GRIP1: variants seen among roughly 807,000 people sequenced by gnomAD.
GRIP1 encodes the protein glutamate receptor-interacting protein 1.
A neutral mutation model predicts 129.9 loss-of-function variants in GRIP1; 45 were observed. That is an observed-to-expected ratio of 0.35 (90% CI 0.27 to 0.44). The LOEUF is 0.44. Ranked by LOEUF, GRIP1 falls within the 20% of genes least tolerant of loss-of-function variation. The probability of loss-of-function intolerance (pLI) is 1.00; values close to 1 mark genes in which losing one functional copy is unlikely to be tolerated. For missense variants in GRIP1, 1,196 were observed against 1,396.8 expected (o/e 0.86, Z 2.29); for synonymous variants, 530 against 520.8 (o/e 1.02, Z -0.24).
intron 2 of GRIP1, among the ~76,000 whole-genome samples, chr12:66,562,643 G>C (rs138208358): frequency 2.8e-4 from 42 of 152,216 alleles, no homozygotes; most frequent in African/African-American, 9.9e-4. Context: ...ATTTACAGTA[G>C]AAGGAGTTTT....
intron 1 of GRIP1, among the ~76,000 whole-genome samples, chr12:66,914,792 T>A (rs2041091769): frequency 6.6e-6 from 1 of 152,218 alleles, no homozygotes; most frequent in Admixed American, 6.5e-5. Context: ...AAAACAAATA[T>A]CAAGATACTG....
At chr12:66,441,774 A>C (rs1469572282) in intron 13 of GRIP1, among the ~76,000 whole-genome samples, 3 of 152,122 alleles carry the variant, frequency 2.0e-5, no homozygotes, top group Non-Finnish European at 4.4e-5. Context: ...TTGCCAACTC[A>C]TCTCTAAAAT....
intron 1 of GRIP1, among the ~76,000 whole-genome samples, chr12:66,872,898 G>A (rs1420476297): frequency 6.6e-6 from 1 of 152,080 alleles, no homozygotes; most frequent in Non-Finnish European, 1.5e-5. Context: ...GGGACACAGA[G>A]GACATATGTT....
intron 1 of GRIP1, among the ~76,000 whole-genome samples, chr12:66,886,754 T>C (rs574042616): frequency 6.6e-6 from 1 of 152,318 alleles, no homozygotes; most frequent in African/African-American, 2.4e-5. Flanking sequence ...TTAATATCTA[T>C]ATATCATCAT....
chr12:66,580,597 G>A (rs1168350230), intron 2 of GRIP1, among the ~76,000 whole-genome samples: 18 of 147,974 alleles, frequency 1.2e-4, no homozygotes, highest in Non-Finnish European at 1.4e-4. Context: ...AAAAAGGCAG[G>A]GGTTGCAATC....
chr12:66,460,308 G>T (rs10878429), intron 9 of GRIP1, among the ~76,000 whole-genome samples: 63,099 of 152,000 alleles, frequency 0.42, 13,985 homozygotes, highest in African/African-American at 0.55. Flanking sequence ...GCAGTCTCAA[G>T]AGATATATGG....
intron 1 of GRIP1, among the ~76,000 whole-genome samples, chr12:66,930,517 T>C (rs1025902672): frequency 1.3e-5 from 2 of 151,768 alleles, no homozygotes; most frequent in East Asian, 1.9e-4. Context: ...TGTTGGACAT[T>C]TGGGTTGGTT....
In GRIP1 at chr12:66,392,298, A is replaced by G. The variant is rs1401149081; in HGVS notation, c.2464+10T>C. 4 of 1,537,574 alleles carry G rather than the reference A, an allele frequency of 2.6e-6. No individual in the cohort carries two copies. The highest frequency in any genetic ancestry group is 1.7e-4 in the Middle Eastern group (1 of 5,946). ...TGACAAGTCCTCTGGGGGACAAAGT[A>G]AAGACATACCTTGAGTTCCATAGCT... On this transcript the variant is annotated intron_variant, in intron 19 of 24. Transcript: ENST00000359742.
chr12:66,929,092 T>C (rs576985539), intron 1 of GRIP1, among the ~76,000 whole-genome samples: 2 of 152,336 alleles, frequency 1.3e-5, no homozygotes, highest in Admixed American at 6.5e-5. Flanking sequence ...TAGCAGTCTC[T>C]CCAAATGCTT....
At chr12:66,684,686 A>C (rs2034712917) in intron 1 of GRIP1, among the ~76,000 whole-genome samples, 1 of 152,060 alleles carries the variant, frequency 6.6e-6, no homozygotes, top group African/African-American at 2.4e-5. Flanking sequence ...GTCTACTAAA[A>C]ACACAAAAAT....
chr12:67,036,820 TCTC>T (rs1024718349), intron 1 of GRIP1, among the ~76,000 whole-genome samples: 2 of 152,054 alleles, frequency 1.3e-5, no homozygotes, highest in East Asian at 1.9e-4. Context: ...AGACTTGACT[TCTC>T]CACAACATCT....
intron 2 of GRIP1, among the ~76,000 whole-genome samples, chr12:66,569,633 G>C (rs182295973): frequency 6.6e-6 from 1 of 152,292 alleles, no homozygotes; most frequent in African/African-American, 2.4e-5. Context: ...ATGGGACTCA[G>C]GGGTGGAGGT....
At chr12:66,681,910 C>T (rs1354884908), upstream of GRIP1, among the ~76,000 whole-genome samples, 1 of 152,056 alleles carries the variant, frequency 6.6e-6, no homozygotes, top group Non-Finnish European at 1.5e-5. Flanking sequence ...ACCACGTTTA[C>T]ATAGAATTTA....
At chr12:66,971,596 G>A (rs1489017958) in intron 1 of GRIP1, among the ~76,000 whole-genome samples, 1 of 152,144 alleles carries the variant, frequency 6.6e-6, no homozygotes, top group Non-Finnish European at 1.5e-5. Context: ...TGCCCTTGAG[G>A]AACTTATATT....
At chr12:66,663,636 T>C (rs1433747450) in intron 1 of GRIP1, among the ~76,000 whole-genome samples, 1 of 152,182 alleles carries the variant, frequency 6.6e-6, no homozygotes, top group Admixed American at 6.5e-5. Context: ...TTTATTTCTG[T>C]GCAGAAGTGA....
intron 1 of GRIP1, among the ~76,000 whole-genome samples, chr12:66,609,003 AATC>A (rs1354225457): frequency 1.3e-5 from 2 of 150,910 alleles, no homozygotes; most frequent in African/African-American, 4.9e-5. Flanking sequence ...CCTACCTTAA[AATC>A]ATCAACCTGC....
At chr12:66,929,356 T>G (rs570928590) in intron 1 of GRIP1, among the ~76,000 whole-genome samples, 1 of 152,224 alleles carries the variant, frequency 6.6e-6, no homozygotes, top group Non-Finnish European at 1.5e-5. Context: ...CCAGTTTCTC[T>G]CTACCATATA....
intron 1 of GRIP1, among the ~76,000 whole-genome samples, chr12:67,045,004 C>A (rs948088209): frequency 6.6e-6 from 1 of 152,162 alleles, no homozygotes; most frequent in African/African-American, 2.4e-5. Context: ...GTAAAAGATG[C>A]ACCTAAGTTC....
intron 1 of GRIP1, among the ~76,000 whole-genome samples, chr12:66,705,498 T>C (rs149978491): frequency 2.0e-5 from 3 of 152,278 alleles, no homozygotes; most frequent in Non-Finnish European, 4.4e-5. Context: ...ATTCATAGAT[T>C]CAATGCTATT....
Sources: allele counts gnomAD v4.1 joint callset (sites outside exome capture counted in the v4.1 genomes callset), GRCh38; gene constraint gnomAD v4.1.1; transcripts MANE v1.5; gene names NCBI Gene and HGNC (gene_info 2026-07-23, HGNC 2026-07-21).